Variants in NAV1 observed in about 807,000 individuals in gnomAD.
NAV1 encodes neuron navigator 1.
In NAV1, 18 loss-of-function variants were observed where a neutral mutation model predicts 175.2. The observed-to-expected ratio is 0.10, with a 90% CI of 0.07 to 0.15. NAV1 has a LOEUF of 0.15. Among genes scored for constraint, NAV1 ranks in the 10% least tolerant of loss-of-function variants. The pLI is 1.00. For synonymous variants in NAV1, 897 were observed against 978.7 expected (o/e 0.92, Z 1.56); for missense variants, 1,731 against 2,436.6 (o/e 0.71, Z 6.10).
In NAV1 at chr1:201,826,519, C is replaced by T. The variant is rs1031580063; in HGVS notation, c.*6587C>T. The stretch of plus-strand genomic sequence containing the variant: ...GCAGCACCGTTTATGTGACAGAGTC[C>T]GTGTTTCTCAAATGCATGGTGTTCC... On this transcript the variant is annotated 3_prime_UTR_variant, in exon 30 of 30. Transcript: ENST00000367296. The T allele has an allele frequency of 3.3e-5, 5 of 152,112 alleles. No homozygotes were observed. In the East Asian group the frequency reaches 7.7e-4, roughly 23 times the overall value. The allele number at this position is 152,112 out of a possible 1,614,324, so 9.4% of individuals were successfully genotyped here.
intron 28 of NAV1, chr1:201,816,819 A>G (rs1679064316): frequency 2.4e-6 from 1 of 412,080 alleles, no homozygotes; most frequent in Non-Finnish European, 4.5e-6. Flanking sequence ...ACGCACCGCC[A>G]TGCATGGCTA....
chr1:201,765,692 G>A (rs1259487324), intron 3 of NAV1, among the ~76,000 whole-genome samples: 1 of 152,106 alleles, frequency 6.6e-6, no homozygotes, highest in Non-Finnish European at 1.5e-5. Context: ...ACCACACCCG[G>A]CCCAGGAAAT....
chr1:201,710,124 T>C (rs747706141), intron 1 of NAV1, among the ~76,000 whole-genome samples: 3 of 149,370 alleles, frequency 2.0e-5, no homozygotes, highest in Non-Finnish European at 4.4e-5. Context: ...GCAGCATGAC[T>C]CTCCTGAGGC....
chr1:201,783,958 A>T, intron 7 of NAV1, 106 bp downstream of exon 11: 3 of 995,326 alleles, frequency 3.0e-6, no homozygotes, highest in Non-Finnish European at 4.4e-6. Flanking sequence ...GACTTTTGAC[A>T]TTTTTTCACA....
chr1:201,561,530 G>A (rs554648897), intron 1 of NAV1, among the ~76,000 whole-genome samples: 3 of 152,324 alleles, frequency 2.0e-5, no homozygotes, highest in African/African-American at 7.2e-5. Flanking sequence ...GATTAAATCT[G>A]TATAGTAGCT....
chr1:201,551,111 C>G (rs1247224487), intron 1 of NAV1, among the ~76,000 whole-genome samples: 1 of 152,222 alleles, frequency 6.6e-6, no homozygotes, highest in East Asian at 1.9e-4. Flanking sequence ...GTAACTTACC[C>G]AAAGCCACAT....
chr1:201,613,300 TC>T (rs1232151623), intron 2 of NAV1, among the ~76,000 whole-genome samples: 4 of 143,122 alleles, frequency 2.8e-5, no homozygotes, highest in Admixed American at 1.4e-4. Flanking sequence ...TCTCCCCGCC[TC>T]CCCCCCGCCA....
At chr1:201,784,183 G>GT (rs1676535669) in intron 7 of NAV1, among the ~76,000 whole-genome samples, 1 of 152,200 alleles carries the variant, frequency 6.6e-6, no homozygotes, top group South Asian at 2.1e-4. Flanking sequence ...TTGAGATGGA[G>GT]TTTTGCTCTT....
chr1:201,783,757 C>G, exon 7 of NAV1: 3 of 1,614,148 alleles, frequency 1.9e-6, no homozygotes, highest in Non-Finnish European at 2.5e-6. Flanking sequence ...GCAGTACTCC[C>G]GTCCCCACCC....
At chr1:201,662,974 C>T (rs1481212492) in intron 1 of NAV1, among the ~76,000 whole-genome samples, 1 of 93,592 alleles carries the variant, frequency 1.1e-5, no homozygotes, top group Admixed American at 1.3e-4. Context: ...GTTTTCTATG[C>T]CTCTTCACAT....
At chr1:201,547,794 T>A (rs769100215) in intron 1 of NAV1, among the ~76,000 whole-genome samples, 3 of 152,234 alleles carry the variant, frequency 2.0e-5, no homozygotes, top group Non-Finnish European at 4.4e-5. Context: ...GGTCTTTTTT[T>A]AAATTACTAT....
intron 2 of NAV1, among the ~76,000 whole-genome samples, chr1:201,590,890 G>A (rs1667172167): frequency 6.6e-6 from 1 of 152,226 alleles, no homozygotes; most frequent in African/African-American, 2.4e-5. Context: ...CGATGACTGA[G>A]GATCGCAGAC....
At chr1:201,655,221 G>A (rs1468885030) in intron 1 of NAV1, among the ~76,000 whole-genome samples, 1 of 152,180 alleles carries the variant, frequency 6.6e-6, no homozygotes, top group Non-Finnish European at 1.5e-5. Flanking sequence ...GCACCTGGCT[G>A]GTCTTTCTCC....
rs35468878 is a variant in NAV1 at position 201,816,674 on chromosome 1, C to CTTTTT, written c.5341-397_5341-393dup. 1.8e-4 allele frequency among the ~76,000 whole-genome samples: 18 copies of CTTTTT among 102,840 alleles called. 1 individual carries two copies. Among genetic ancestry groups the CTTTTT allele is most frequent in the Non-Finnish European group, 2.6e-4 (14 of 54,474 alleles). The allele number at this position is 102,840 out of a possible 152,430, so 67.5% of individuals were successfully genotyped here. A position where few individuals can be genotyped will look rare whatever the true frequency, so the allele number is the denominator to read the frequency against. On this transcript the variant is annotated intron_variant, in intron 28 of 29. Transcript: ENST00000367296. ...GAGGATTTACATTTGAGGAAGTGCA[C>CTTTTT]TTTTTTTTTTTTTTTTTTTTTGAGG...
rs563172718 is a variant in NAV1, at chr1:201,816,924, T to C, written c.5341-164T>C. ...TCTGACCTCAAGTGATCTTCCTGTCTTGGCCTCCCTAAATGCTGGGATTAC... is the reference window on the plus strand; with the variant it reads ...TCTGACCTCAAGTGATCTTCCTGTCCTGGCCTCCCTAAATGCTGGGATTAC... On this transcript the variant is annotated intron_variant, in intron 28 of 29. Coordinates refer to ENST00000367296, the Ensembl canonical transcript of NAV1. 7 of 622,872 alleles carry C rather than the reference T, an allele frequency of 1.1e-5. No homozygotes were observed. The East Asian group carries it at 1.9e-4, about 17-fold the overall frequency. 38.6% of individuals were successfully genotyped at this position (622,872 alleles called of 1,614,324 possible).
Position 201,760,208 on chromosome 1 carries a change from G to A in NAV1, c.1227-20213G>A, listed in dbSNP as rs560099823. ...TGGCTGGGCATGGTGGTTCACGCCT[G>A]TAATCCCAGCACTTTGGGAGGCCCA... On this transcript the variant is annotated intron_variant, in intron 3 of 29. Transcript: ENST00000367296. Among the ~76,000 whole-genome samples the A allele has an allele frequency of 3.9e-5, 6 of 152,318 alleles. No individual in the cohort carries two copies. The East Asian group carries it at 9.6e-4, about 24-fold the overall frequency.
exon 30 of NAV1, chr1:201,822,075 G>A (rs1679418927): frequency 1.3e-5 from 2 of 152,650 alleles, no homozygotes; most frequent in South Asian, 4.1e-4. Flanking sequence ...CATCCACGTG[G>A]TAAGCTCCCA....
chr1:201,771,519 A>C (rs1053479740), intron 3 of NAV1, among the ~76,000 whole-genome samples: 1 of 151,840 alleles, frequency 6.6e-6, no homozygotes, highest in Admixed American at 6.6e-5. Flanking sequence ...AAAAAAAAAA[A>C]AAACTGGTGA....
At chr1:201,761,784 C>T (rs1339399861) in intron 3 of NAV1, among the ~76,000 whole-genome samples, 1 of 152,190 alleles carries the variant, frequency 6.6e-6, no homozygotes, top group Non-Finnish European at 1.5e-5. Flanking sequence ...CAATGACGTA[C>T]AAGCAGTACG....
Sources: allele counts gnomAD v4.1 joint callset (sites outside exome capture counted in the v4.1 genomes callset), GRCh38; gene constraint gnomAD v4.1.1; transcripts MANE v1.5; gene names NCBI Gene and HGNC (gene_info 2026-07-23, HGNC 2026-07-21).